The following AGO2 variants were observed in gnomAD, a reference collection of about 807,000 sequenced individuals.
The protein encoded by AGO2 is argonaute RISC catalytic component 2.
In AGO2, 5 loss-of-function variants were observed where a neutral mutation model predicts 102.3. The ratio of observed to expected loss-of-function variants is 0.05; its 90% confidence interval spans 0.03 to 0.10. The LOEUF is 0.10. Ranked by LOEUF, AGO2 falls within the 10% of genes least tolerant of loss-of-function variation. AGO2 has a pLI of 1.00. For synonymous variants in AGO2, 449 were observed against 473.1 expected (o/e 0.95, Z 0.66); for missense variants, 541 against 1,183.7 (o/e 0.46, Z 7.97).
intron 1 of AGO2, among the ~76,000 whole-genome samples, chr8:140,602,297 T>C (rs2073944078): frequency 6.6e-6 from 1 of 152,206 alleles, no homozygotes; most frequent in African/African-American, 2.4e-5. Flanking sequence ...CCTACATAGC[T>C]ATAAGGTCAT....
At chr8:140,580,094 G>A (rs1489734108) in intron 2 of AGO2, among the ~76,000 whole-genome samples, 1 of 152,262 alleles carries the variant, frequency 6.6e-6, no homozygotes, top group Non-Finnish European at 1.5e-5. Flanking sequence ...TAGGTCGTGT[G>A]GGCCTTGCCC....
chr8:140,541,437 G>C, intron 14 of AGO2, 79 bp from the exon 15 acceptor site: 1 of 1,352,970 alleles, frequency 7.4e-7, no homozygotes, highest in African/African-American at 1.5e-5. Flanking sequence ...CTCTCGGGAA[G>C]ATGGGGACGA....
intron 1 of AGO2, among the ~76,000 whole-genome samples, chr8:140,598,301 T>C (rs981243974): frequency 6.6e-6 from 1 of 152,194 alleles, no homozygotes; most frequent in Non-Finnish European, 1.5e-5. Flanking sequence ...AGAATTCTCT[T>C]CGGCAAAGGC....
At chr8:140,634,201 A>C (rs974677673) in intron 1 of AGO2, among the ~76,000 whole-genome samples, 15 of 152,254 alleles carry the variant, frequency 9.9e-5, no homozygotes, top group Non-Finnish European at 1.8e-4. Context: ...GCCTTGTTGA[A>C]GCTTTCTAAA....
chr8:140,577,826 C>G (rs777987635), intron 2 of AGO2, among the ~76,000 whole-genome samples: 3 of 152,226 alleles, frequency 2.0e-5, no homozygotes, highest in Non-Finnish European at 4.4e-5. Context: ...TTCACTGTTC[C>G]GAGCCCCATC....
chr8:140,553,652 G>C (rs1265993886), intron 10 of AGO2, among the ~76,000 whole-genome samples: 1 of 150,060 alleles, frequency 6.7e-6, no homozygotes, highest in African/African-American at 2.5e-5. Context: ...CAGGTGATCT[G>C]CCTGCCTCAG....
intron 15 of AGO2, 145 bp downstream of exon 15, chr8:140,541,019 C>G: frequency 1.0e-6 from 1 of 963,710 alleles, no homozygotes; most frequent in East Asian, 2.8e-5. Context: ...CTCCCCTGGA[C>G]CCCCTTCCAT....
chr8:140,565,297 G>A (rs1452753570), intron 3 of AGO2, among the ~76,000 whole-genome samples: 1 of 151,564 alleles, frequency 6.6e-6, no homozygotes, highest in Non-Finnish European at 1.5e-5. Flanking sequence ...AAATTAGCCG[G>A]GCGTGGTGGC....
chr8:140,545,832 G>A (rs974885583), intron 13 of AGO2, among the ~76,000 whole-genome samples: 1 of 152,188 alleles, frequency 6.6e-6, no homozygotes, highest in Non-Finnish European at 1.5e-5. Flanking sequence ...TCGGCTTCAC[G>A]GAGCCAGAGG....
chr8:140,546,989 C>T (rs1259500816), intron 13 of AGO2, among the ~76,000 whole-genome samples: 3 of 152,200 alleles, frequency 2.0e-5, no homozygotes, highest in Non-Finnish European at 4.4e-5. Context: ...AGGTGGCCAG[C>T]GCTTGGCCAC....
At chr8:140,582,758 A>G (rs1736458860) in intron 2 of AGO2, among the ~76,000 whole-genome samples, 1 of 152,246 alleles carries the variant, frequency 6.6e-6, no homozygotes, top group African/African-American at 2.4e-5. Flanking sequence ...ACTATGTAAC[A>G]GCTATTTTTA....
intron 1 of AGO2, among the ~76,000 whole-genome samples, chr8:140,635,102 C>T (rs1384732262): frequency 1.4e-5 from 2 of 147,190 alleles, no homozygotes; most frequent in Non-Finnish European, 3.0e-5. Context: ...CCAAGCGGGG[C>T]GCTCCGGGCC....
In AGO2 at chr8:140,557,251, G is replaced by A. The variant is rs1453157356; in HGVS notation, c.879-15C>T. On this transcript the variant is annotated splice_polypyrimidine_tract_variant and intron_variant, in intron 7 of 18. Transcript: ENST00000220592. The surrounding 1 kb of genome is among the most constrained non-coding windows in gnomAD (Gnocchi z 5.9). ...GCAGCGGGAATCTGAGGAGCAAAGG[G>A]GCTGTTCAGGCCGAGGGCATCCCGG... The A allele has an allele frequency of 6.2e-7, 1 of 1,607,846 alleles. No homozygotes were observed. Among genetic ancestry groups the A allele is most frequent in the Admixed American group, 1.7e-5 (1 of 59,406 alleles).
chr8:140,625,809 A>T (rs570743909), intron 1 of AGO2, among the ~76,000 whole-genome samples: 2 of 152,164 alleles, frequency 1.3e-5, no homozygotes, highest in Non-Finnish European at 2.9e-5. Context: ...TCCTCAGGGG[A>T]GCTGCACAGA....
At chr8:140,620,366 A>G (rs1204995956) in intron 1 of AGO2, among the ~76,000 whole-genome samples, 1 of 152,162 alleles carries the variant, frequency 6.6e-6, no homozygotes, top group Non-Finnish European at 1.5e-5. Context: ...GCCCTGCACT[A>G]CTCTGGCCAC....
chr8:140,624,426 C>T (rs1008463134), intron 1 of AGO2, among the ~76,000 whole-genome samples: 4 of 152,256 alleles, frequency 2.6e-5, no homozygotes, highest in African/African-American at 9.6e-5. Flanking sequence ...AGTGGCAGAA[C>T]AAACCCAAAC....
intron 1 of AGO2, among the ~76,000 whole-genome samples, chr8:140,625,740 G>A (rs2074267937): frequency 6.6e-6 from 1 of 152,192 alleles, no homozygotes; most frequent in African/African-American, 2.4e-5. Flanking sequence ...GAATGGCCAG[G>A]CTATGTCCAC....
In AGO2 at chr8:140,595,750, T is replaced by TAATTGTATATACAATTATATTATATAC. The variant is rs1420276686; in HGVS notation, c.23-10466_23-10440dup. On this transcript the variant is annotated intron_variant, in intron 1 of 18. Coordinates refer to ENST00000220592, the MANE Select transcript of AGO2 (RefSeq NM_012154.5). ...ATATGTAAATGTTATATATTATATA[T>TAATTGTATATACAATTATATTATATAC]AATTGTATATACAATTATATTATAT... Among the ~76,000 whole-genome samples, 266 of 46,158 alleles carry TAATTGTATATACAATTATATTATATAC rather than the reference T, an allele frequency of 5.8e-3. 5 individuals are homozygous for TAATTGTATATACAATTATATTATATAC. The highest frequency in any genetic ancestry group is 0.014 in the Middle Eastern group (1 of 74). The allele number at this position is 46,158 out of a possible 152,430, so 30.3% of individuals were successfully genotyped here.
chr8:140,581,913 A>C (rs1335627423), intron 2 of AGO2, among the ~76,000 whole-genome samples: 1 of 152,222 alleles, frequency 6.6e-6, no homozygotes, highest in African/African-American at 2.4e-5. Context: ...ACCATGGCTT[A>C]GAACATTTTT....
Sources: allele counts gnomAD v4.1 joint callset (sites outside exome capture counted in the v4.1 genomes callset), GRCh38; gene constraint gnomAD v4.1.1; non-coding constraint Gnocchi (gnomAD v3.1); transcripts MANE v1.5; gene names NCBI Gene and HGNC (gene_info 2026-07-23, HGNC 2026-07-21).